CERS6: variants seen among roughly 807,000 people sequenced by gnomAD.
CERS6 encodes the protein LAG1 homolog, ceramide synthase 6.
CERS6 carries 26 observed loss-of-function variants against 56.8 expected under a neutral mutation model. The observed-to-expected ratio is 0.46, with a 90% CI of 0.34 to 0.63. The LOEUF is 0.63. Ranked by LOEUF, CERS6 falls within the 30% of genes least tolerant of loss-of-function variation. The pLI is 0.01. For missense variants in CERS6, 415 were observed against 467.5 expected, an observed-to-expected ratio of 0.89 and a Z score of 1.04; for synonymous variants, 164 against 173.3, an observed-to-expected ratio of 0.95 and a Z score of 0.42.
intron 1 of CERS6, among the ~76,000 whole-genome samples, chr2:168,498,737 G>A (rs1229859880): frequency 1.3e-5 from 2 of 152,248 alleles, no homozygotes; most frequent in South Asian, 2.1e-4. Context: ...CTCTTACCAG[G>A]AAGGAGTGCT....
chr2:168,476,412 A>G (rs1200191933), intron 1 of CERS6, among the ~76,000 whole-genome samples: 1 of 152,190 alleles, frequency 6.6e-6, no homozygotes, highest in African/African-American at 2.4e-5. Flanking sequence ...ATGCATGTTC[A>G]AGTATATATG....
At chr2:168,508,247 G>C (rs918744887) in intron 1 of CERS6, among the ~76,000 whole-genome samples, 1 of 152,208 alleles carries the variant, frequency 6.6e-6, no homozygotes, top group Non-Finnish European at 1.5e-5. Context: ...AGGGCACCTA[G>C]TGTTGCTTCC....
At chr2:168,705,021 T>A (rs1686903616) in intron 6 of CERS6, among the ~76,000 whole-genome samples, 1 of 152,142 alleles carries the variant, frequency 6.6e-6, no homozygotes, top group Non-Finnish European at 1.5e-5. Context: ...TTCCTCAGAG[T>A]CATTTTCCTC....
chr2:168,481,142 G>A (rs993379547), intron 1 of CERS6, among the ~76,000 whole-genome samples: 2 of 152,164 alleles, frequency 1.3e-5, no homozygotes, highest in Non-Finnish European at 2.9e-5. Flanking sequence ...CTGGCCGGGC[G>A]CAGTGGCTCA....
intron 2 of CERS6, among the ~76,000 whole-genome samples, chr2:168,556,976 G>A (rs1475580791): frequency 3.6e-5 from 4 of 110,510 alleles, no homozygotes; most frequent in African/African-American, 9.8e-5. Context: ...GCAACATGGT[G>A]AAACCTTGTC....
rs958034779 is a variant in CERS6 at position 168,456,994 on chromosome 2, C to A, written c.170+376C>A. On this transcript the variant is annotated intron_variant, in intron 1 of 9. Transcript: ENST00000305747. This position sits in a 1 kb window ranked among gnomAD's most constrained non-coding sequence, Gnocchi z 4.1. ...TCCGCCGGCGCGCCACGCAAGGCTG[C>A]CAGGCAGGGCTTCCCGCCGGGGCCC... 1.9e-4 allele frequency among the ~76,000 whole-genome samples: 29 copies of A among 152,326 alleles called. No homozygotes were observed. The highest frequency in any genetic ancestry group is 6.7e-4 in the African/African-American group (28 of 41,588).
At chr2:168,633,571 G>C (rs1684798199) in intron 4 of CERS6, among the ~76,000 whole-genome samples, 1 of 152,134 alleles carries the variant, frequency 6.6e-6, no homozygotes, top group Non-Finnish European at 1.5e-5. Flanking sequence ...ATTTCTGAGT[G>C]ACTTCCTTCT....
intron 4 of CERS6, among the ~76,000 whole-genome samples, chr2:168,673,477 G>A (rs1685975267): frequency 1.3e-5 from 2 of 152,168 alleles, no homozygotes; most frequent in Admixed American, 6.5e-5. Context: ...TCAGTACCAC[G>A]GTCAGCATGA....
intron 6 of CERS6, among the ~76,000 whole-genome samples, chr2:168,703,455 G>A (rs1300591295): frequency 6.6e-6 from 1 of 152,004 alleles, no homozygotes; most frequent in East Asian, 1.9e-4. Context: ...CTACTCAGGA[G>A]GCTGAGGCAG....
At chr2:168,558,416 G>A (rs898426280) in intron 2 of CERS6, among the ~76,000 whole-genome samples, 1 of 152,074 alleles carries the variant, frequency 6.6e-6, no homozygotes, top group African/African-American at 2.4e-5. Flanking sequence ...AAAGAATAAG[G>A]GTGTTCTATA....
At chr2:168,553,480 A>G (rs1237654685) in intron 2 of CERS6, among the ~76,000 whole-genome samples, 1 of 151,938 alleles carries the variant, frequency 6.6e-6, no homozygotes, top group African/African-American at 2.4e-5. Flanking sequence ...GCAAAAAATC[A>G]GATCTCTTTT....
At chr2:168,483,190 G>GTACC (rs1694208301) in intron 1 of CERS6, among the ~76,000 whole-genome samples, 1 of 152,114 alleles carries the variant, frequency 6.6e-6, no homozygotes, top group African/African-American at 2.4e-5. Context: ...CTCACATAAA[G>GTACC]TCTGTGAAGT....
intron 3 of CERS6, among the ~76,000 whole-genome samples, chr2:168,615,906 G>A (rs762650492): frequency 4.6e-5 from 7 of 152,160 alleles, no homozygotes; most frequent in Non-Finnish European, 7.3e-5. Flanking sequence ...TCATCGCCTA[G>A]GCACACTGTC....
chr2:168,530,049 G>A (rs1695138868), intron 1 of CERS6, among the ~76,000 whole-genome samples: 1 of 152,214 alleles, frequency 6.6e-6, no homozygotes, highest in African/African-American at 2.4e-5. Context: ...TGAATGATAA[G>A]GGAGGCCCAG....
At chr2:168,764,848 A>G (rs1476490788) in intron 8 of CERS6, among the ~76,000 whole-genome samples, 1 of 152,236 alleles carries the variant, frequency 6.6e-6, no homozygotes, top group Non-Finnish European at 1.5e-5. Context: ...GAAGGGGGAA[A>G]CATATGATCC....
At chr2:168,732,804 T>G (rs1403536630) in intron 8 of CERS6, among the ~76,000 whole-genome samples, 2 of 152,226 alleles carry the variant, frequency 1.3e-5, no homozygotes, top group Non-Finnish European at 2.9e-5. Flanking sequence ...AAAGATTGCT[T>G]TATTCTGAAA....
chr2:168,620,238 A>G (rs938449894), intron 3 of CERS6, among the ~76,000 whole-genome samples: 1 of 152,040 alleles, frequency 6.6e-6, no homozygotes, highest in South Asian at 2.1e-4. Context: ...ATGCAAAGGC[A>G]TAAGAATGAC....
intron 2 of CERS6, among the ~76,000 whole-genome samples, chr2:168,549,598 G>A (rs999123002): frequency 1.3e-5 from 2 of 152,210 alleles, no homozygotes; most frequent in African/African-American, 4.8e-5. Context: ...TCACGCCACT[G>A]CACTCCAGCC....
chr2:168,569,118 C>A (rs1695936047), intron 3 of CERS6, among the ~76,000 whole-genome samples: 1 of 152,152 alleles, frequency 6.6e-6, no homozygotes, highest in Non-Finnish European at 1.5e-5. Context: ...TCTCATAGTT[C>A]TGGAGGCTAA....
Sources: gnomAD v4.1 joint callset for allele counts (sites outside exome capture counted in the v4.1 genomes callset) on GRCh38, gnomAD v4.1.1 for gene constraint, Gnocchi (gnomAD v3.1) non-coding constraint, MANE v1.5 for transcripts, NCBI Gene and HGNC (gene_info 2026-07-23, HGNC 2026-07-21) for gene names.